Variants in UAP1 observed in about 807,000 individuals in gnomAD.
The protein encoded by UAP1 is UDP-N-acetylhexosamine pyrophosphorylase.
A neutral mutation model predicts 58.5 loss-of-function variants in UAP1; 25 were observed. That is an observed-to-expected ratio of 0.43 (90% CI 0.31 to 0.60). UAP1 has a LOEUF of 0.60. Among genes scored for constraint, UAP1 ranks in the 20% least tolerant of loss-of-function variants. UAP1 has a pLI of 0.11. For synonymous variants in UAP1, 208 were observed against 213.0 expected, an observed-to-expected ratio of 0.98 and a Z score of 0.21; for missense variants, 575 against 630.0, an observed-to-expected ratio of 0.91 and a Z score of 0.93.
downstream of UAP1, among the ~76,000 whole-genome samples, chr1:162,600,792 T>C (rs1049207818): frequency 2.0e-5 from 3 of 152,160 alleles, no homozygotes; most frequent in African/African-American, 7.2e-5. Context: ...TCTATTCCAG[T>C]TTTCAAAAAG....
chr1:162,600,041 C>T (rs1655842990), downstream of UAP1, among the ~76,000 whole-genome samples: 1 of 152,096 alleles, frequency 6.6e-6, no homozygotes, highest in African/African-American at 2.4e-5. Context: ...TGTCCTCCAC[C>T]CAAAGGGGCA....
intron 9 of UAP1, among the ~76,000 whole-genome samples, chr1:162,597,064 A>G (rs1655660316): frequency 6.6e-6 from 1 of 152,208 alleles, no homozygotes; most frequent in South Asian, 2.1e-4. Flanking sequence ...AGTACTTTGA[A>G]ACATATTGAA....
intron 8 of UAP1, 129 bp from the exon 9 acceptor site, chr1:162,592,603 G>T: frequency 1.4e-6 from 1 of 690,968 alleles, no homozygotes; most frequent in Non-Finnish European, 2.5e-6. Flanking sequence ...CCCCCTTTTG[G>T]TCTCTTGGGA....
chr1:162,579,561 A>G (rs1458938846), exon 4 of UAP1: 1 of 1,605,140 alleles, frequency 6.2e-7, no homozygotes, highest in Non-Finnish European at 8.5e-7. Context: ...TTTTGATGGG[A>G]AAATTATTTT....
In UAP1 at chr1:162,597,780, T is replaced by A. The variant is rs202007828; in HGVS notation, c.1410-12T>A. 6.1e-5 allele frequency: 98 copies of A among 1,612,300 alleles called. 2 individuals are homozygous for A. The East Asian group carries it at 2.2e-3, about 36-fold the overall frequency. On this transcript the variant is annotated splice_polypyrimidine_tract_variant and intron_variant, in intron 9 of 10. Coordinates refer to ENST00000271469, the Ensembl canonical transcript of UAP1. ...AGCAAAGTCTTTAACACATACTTGTTTTTTTTCTTAGCTTGAAGGATGCCA... is the reference window on the plus strand; with the variant it reads ...AGCAAAGTCTTTAACACATACTTGTATTTTTTCTTAGCTTGAAGGATGCCA...
intron 2 of UAP1, among the ~76,000 whole-genome samples, chr1:162,574,867 T>G (rs1654079085): frequency 6.6e-6 from 1 of 152,198 alleles, no homozygotes; most frequent in Non-Finnish European, 1.5e-5. Flanking sequence ...CATTTGGATC[T>G]CAAATCATCT....
At chr1:162,589,970 C>T (rs1256390730) in intron 7 of UAP1, among the ~76,000 whole-genome samples, 1 of 149,578 alleles carries the variant, frequency 6.7e-6, no homozygotes, top group East Asian at 2.0e-4. Context: ...GACTCCGTCT[C>T]AAAAAAATAA....
intron 8 of UAP1, 117 bp from the exon 9 acceptor site, chr1:162,592,615 G>T (rs1179166516): frequency 1.3e-6 from 1 of 776,202 alleles, no homozygotes; most frequent in South Asian, 1.7e-5. Context: ...CTCTTGGGAC[G>T]AATTTATGAT....
At chr1:162,597,143 C>G (rs534747989) in intron 9 of UAP1, 1 of 152,314 alleles carries the variant, frequency 6.6e-6, no homozygotes, top group South Asian at 2.1e-4. Flanking sequence ...AATAATTTAA[C>G]TGTCTGATAG....
intron 1 of UAP1, among the ~76,000 whole-genome samples, chr1:162,564,943 A>C (rs943818107): frequency 6.6e-6 from 1 of 152,064 alleles, no homozygotes; most frequent in African/African-American, 2.4e-5. Flanking sequence ...ATTACGCCTC[A>C]TTGTAGCCTC....
intron 8 of UAP1, 78 bp from the exon 9 acceptor site, chr1:162,592,654 G>T: frequency 9.4e-7 from 1 of 1,058,374 alleles, no homozygotes; most frequent in East Asian, 2.6e-5. Context: ...ATTCAATCAA[G>T]TATATTTTGC....
chr1:162,572,122 G>A (rs1653901240), intron 2 of UAP1, among the ~76,000 whole-genome samples: 1 of 152,230 alleles, frequency 6.6e-6, no homozygotes, highest in South Asian at 2.1e-4. Context: ...GTGTACATCT[G>A]ATTGGCATCA....
chr1:162,564,938 G>A (rs781091498), intron 1 of UAP1, among the ~76,000 whole-genome samples: 11 of 152,022 alleles, frequency 7.2e-5, no homozygotes, highest in East Asian at 1.9e-4. Flanking sequence ...ACATGATTAC[G>A]CCTCATTGTA....
chr1:162,566,880 G>A (rs1218426844), intron 2 of UAP1, among the ~76,000 whole-genome samples: 1 of 152,114 alleles, frequency 6.6e-6, no homozygotes, highest in East Asian at 1.9e-4. Context: ...CGCCTGCCTT[G>A]GCCTCCCAAA....
At chr1:162,598,637 A>C (rs1434342369) in intron 10 of UAP1, among the ~76,000 whole-genome samples, 2 of 151,774 alleles carry the variant, frequency 1.3e-5, no homozygotes, top group African/African-American at 2.4e-5. Flanking sequence ...AGAGGTCTCT[A>C]CTCTTTTACT....
At chr1:162,579,929 A>G (rs772462638) in intron 4 of UAP1, among the ~76,000 whole-genome samples, 5 of 152,154 alleles carry the variant, frequency 3.3e-5, no homozygotes, top group African/African-American at 4.8e-5. Flanking sequence ...CAGTGGCGCA[A>G]TCTCGGCTCA....
intron 8 of UAP1, among the ~76,000 whole-genome samples, chr1:162,591,331 T>C (rs1045999204): frequency 1.2e-4 from 19 of 152,224 alleles, no homozygotes; most frequent in African/African-American, 4.6e-4. Context: ...TGTAGCACTT[T>C]CAGGTCACTG....
chr1:162,580,986 A>G (rs1571073335), intron 4 of UAP1, among the ~76,000 whole-genome samples: 1 of 152,190 alleles, frequency 6.6e-6, no homozygotes, highest in Admixed American at 6.6e-5. Context: ...CTGATAAAGG[A>G]TTTTATATCA....
intron 2 of UAP1, among the ~76,000 whole-genome samples, chr1:162,569,367 ATTAT>A (rs900146668): frequency 3.3e-5 from 5 of 152,206 alleles, no homozygotes; most frequent in Non-Finnish European, 7.3e-5. Flanking sequence ...GGAGTGGAAA[ATTAT>A]TTATTTCTGA....
Sources: gnomAD v4.1 joint callset for allele counts (sites outside exome capture counted in the v4.1 genomes callset) on GRCh38, gnomAD v4.1.1 for gene constraint, MANE v1.5 for transcripts, NCBI Gene and HGNC (gene_info 2026-07-23, HGNC 2026-07-21) for gene names.